Variants in ST8SIA5 observed in about 807,000 individuals in gnomAD.
ST8SIA5 encodes the protein ST8 alpha-N-acetyl-neuraminide alpha-2,8-sialyltransferase 5, also known as alpha-2,8-sialyltransferase 8E.
ST8SIA5 carries 24 observed loss-of-function variants against 40.2 expected under a neutral mutation model. The ratio of observed to expected loss-of-function variants is 0.60; its 90% CI spans 0.43 to 0.84. The LOEUF is 0.84. Ranked by LOEUF, ST8SIA5 falls within the 40% of genes least tolerant of loss-of-function variation. The pLI is 0.00. For missense variants in ST8SIA5, 465 were observed against 498.5 expected (o/e 0.93, Z 0.64); for synonymous variants, 198 against 201.8 (o/e 0.98, Z 0.16).
chr18:46,686,427 C>A, intron 4 of ST8SIA5, 141 bp from the exon 5 acceptor site: 1 of 686,654 alleles, frequency 1.5e-6, no homozygotes, highest in East Asian at 2.7e-5. Flanking sequence ...AGGAAAGCGG[C>A]TTTCCACTTT....
chr18:46,725,742 C>G (rs987297559), intron 1 of ST8SIA5, among the ~76,000 whole-genome samples: 1 of 151,188 alleles, frequency 6.6e-6, no homozygotes, highest in Non-Finnish European at 1.5e-5. Flanking sequence ...AATTCCATTC[C>G]TGAGCTAAGG....
At chr18:46,724,915 C>A (rs957755691) in intron 1 of ST8SIA5, among the ~76,000 whole-genome samples, 1 of 150,614 alleles carries the variant, frequency 6.6e-6, no homozygotes, top group Non-Finnish European at 1.5e-5. Flanking sequence ...GCAGAGATTG[C>A]AGTGAGGAGA....
Position 46,679,355 on chromosome 18 carries a change from G to T in ST8SIA5, c.*687C>A, listed in dbSNP as rs961318125. On this transcript the variant is annotated 3_prime_UTR_variant, in exon 7 of 7. Coordinates refer to ENST00000315087, the MANE Select transcript of ST8SIA5 (RefSeq NM_013305.6). Reference sequence around the variant, plus strand: ...GAGGATGTGTCTGAAAGGATGTGGTGCTTCTCAGATGATGATGTCTCGACT... The same window carrying T: ...GAGGATGTGTCTGAAAGGATGTGGTTCTTCTCAGATGATGATGTCTCGACT... 1.3e-5 allele frequency: 2 copies of T among 152,172 alleles called. No individual in the cohort carries two copies. The highest frequency in any genetic ancestry group is 2.9e-5 in the Non-Finnish European group (2 of 68,290). 9.4% of individuals were successfully genotyped at this position (152,172 alleles called of 1,614,324 possible). A position where few individuals can be genotyped will look rare whatever the true frequency, so the allele number is the denominator to read the frequency against.
chr18:46,698,394 C>A (rs1004859966), intron 2 of ST8SIA5, among the ~76,000 whole-genome samples: 4 of 151,942 alleles, frequency 2.6e-5, no homozygotes, highest in Non-Finnish European at 5.9e-5. Flanking sequence ...AACCCAACAA[C>A]CCACTACAAC....
chr18:46,716,575 G>C (rs1428406523), intron 1 of ST8SIA5, among the ~76,000 whole-genome samples: 6 of 152,208 alleles, frequency 3.9e-5, no homozygotes, highest in Non-Finnish European at 7.3e-5. Flanking sequence ...GACCCGGAGG[G>C]CCAAGATTGG....
Position 46,678,853 on chromosome 18 carries a change from A to C in ST8SIA5, c.*1189T>G, listed in dbSNP as rs930858297. On this transcript the variant is annotated 3_prime_UTR_variant, in exon 7 of 7. Transcript: ENST00000315087. ...CATTTATGGTGGAAACACCACAGGG[A>C]GAAGCAAAGGGAATTAATTTCAGAT... The C allele has an allele frequency of 1.3e-5, 2 of 152,310 alleles. No individual in the cohort carries two copies. The highest frequency in any genetic ancestry group is 1.5e-5 in the Non-Finnish European group (1 of 68,094). 9.4% of individuals were successfully genotyped at this position (152,310 alleles called of 1,614,324 possible). A position where few individuals can be genotyped will look rare whatever the true frequency, so the allele number is the denominator to read the frequency against.
rs1358763788 is a variant in ST8SIA5 at position 46,674,837 on chromosome 18, A to G, written c.*5205T>C. 6.6e-6 allele frequency: 1 copy of G among 152,392 alleles called. No homozygotes were observed. Among genetic ancestry groups the G allele is most frequent in the African/African-American group, 2.4e-5 (1 of 41,400 alleles). 9.4% of individuals were successfully genotyped at this position (152,392 alleles called of 1,614,324 possible). A position where few individuals can be genotyped will look rare whatever the true frequency, so the allele number is the denominator to read the frequency against. On this transcript the variant is annotated 3_prime_UTR_variant, in exon 7 of 7. Transcript: ENST00000315087. ...GGCCAGATAAAAGGAAGGAGAGAGG[A>G]ACTTAGGAGTGTGAGGGCCATTCCA...
rs2039293921 is a variant in ST8SIA5, at chr18:46,669,220, A to AG, written c.*10821dup. 6.6e-6 allele frequency: 1 copy of AG among 152,410 alleles called. No individual in the cohort carries two copies. The highest frequency in any genetic ancestry group is 2.1e-4 in the South Asian group (1 of 4,832). The allele number at this position is 152,410 out of a possible 1,614,324, so 9.4% of individuals were successfully genotyped here. A position where few individuals can be genotyped will look rare whatever the true frequency, so the allele number is the denominator to read the frequency against. ...CTCCAGATCAGCCTAACAACTTCAGAGGGGAGAAAAAGGTGCCCTAGAGGG... is the reference window on the plus strand; with the variant it reads ...CTCCAGATCAGCCTAACAACTTCAGAGGGGGAGAAAAAGGTGCCCTAGAGGG... On this transcript the variant is annotated 3_prime_UTR_variant, in exon 7 of 7. Coordinates refer to ENST00000315087, the MANE Select transcript of ST8SIA5 (RefSeq NM_013305.6).
chr18:46,680,616 C>G (rs1012983367), intron 6 of ST8SIA5, 106 bp from the exon 7 acceptor site: 10 of 1,176,580 alleles, frequency 8.5e-6, no homozygotes, highest in Non-Finnish European at 1.2e-5. Context: ...GGAAGGGACT[C>G]ATAAGGCCAC....
At chr18:46,731,826 T>G (rs1691399327) in intron 1 of ST8SIA5, 1 of 152,176 alleles carries the variant, frequency 6.6e-6, no homozygotes, top group African/African-American at 2.4e-5. Context: ...TCTTGGACCT[T>G]TTAGAGCATC....
intron 1 of ST8SIA5, among the ~76,000 whole-genome samples, chr18:46,712,399 C>T (rs187994213): frequency 6.6e-6 from 1 of 152,198 alleles, no homozygotes; most frequent in African/African-American, 2.4e-5. Context: ...CCCATCTCCA[C>T]CCCAGTGCCA....
At chr18:46,707,524 A>G (rs1387578744) in intron 1 of ST8SIA5, among the ~76,000 whole-genome samples, 2 of 152,064 alleles carry the variant, frequency 1.3e-5, no homozygotes, top group Non-Finnish European at 2.9e-5. Flanking sequence ...AACATCACTC[A>G]TATACCCAAC....
intron 1 of ST8SIA5, among the ~76,000 whole-genome samples, chr18:46,715,407 C>T (rs1303722072): frequency 6.6e-6 from 1 of 152,100 alleles, no homozygotes; most frequent in Non-Finnish European, 1.5e-5. Flanking sequence ...CAGAAAAACA[C>T]TAAGCACACT....
chr18:46,693,548 C>A lies in ST8SIA5; in HGVS notation c.225-1293G>T, dbSNP rs527372277. ...AACCACACAGCATTCTCCCTTTGAC[C>A]GAAACCTGCAAAAAGAACTCATTTT... is the stretch of plus-strand genomic sequence containing the variant. On this transcript the variant is annotated intron_variant, in intron 2 of 6. Transcript: ENST00000315087. 2.6e-5 allele frequency among the ~76,000 whole-genome samples: 4 copies of A among 152,224 alleles called. No individual in the cohort carries two copies. The East Asian group carries it at 7.7e-4, about 29-fold the overall frequency.
intron 5 of ST8SIA5, among the ~76,000 whole-genome samples, chr18:46,683,515 A>C (rs993209623): frequency 2.6e-5 from 4 of 152,048 alleles, no homozygotes; most frequent in African/African-American, 7.2e-5. Flanking sequence ...GGAGTGGTAC[A>C]AGCTGAGGGC....
chr18:46,674,550 A>ACT lies in ST8SIA5; in HGVS notation c.*5490_*5491dup, dbSNP rs1482505966. On this transcript the variant is annotated 3_prime_UTR_variant, in exon 7 of 7. Transcript: ENST00000315087. ...TCCCCCAGGAACCAGAGACCTCATT[A>ACT]CTGTAGTAAACATGTGTTGAGTGGC... is the stretch of plus-strand genomic sequence containing the variant. 2 of 152,274 alleles carry ACT rather than the reference A, an allele frequency of 1.3e-5. No individual in the cohort carries two copies. The highest frequency in any genetic ancestry group is 4.8e-5 in the African/African-American group (2 of 41,480). 9.4% of individuals were successfully genotyped at this position (152,274 alleles called of 1,614,324 possible).
At chr18:46,708,636 C>T (rs572840582) in intron 1 of ST8SIA5, among the ~76,000 whole-genome samples, 1 of 152,188 alleles carries the variant, frequency 6.6e-6, no homozygotes, top group Non-Finnish European at 1.5e-5. Context: ...CTAGGGATAA[C>T]CCCTATGCCC....
intron 1 of ST8SIA5, among the ~76,000 whole-genome samples, chr18:46,747,058 T>A (rs943713573): frequency 2.0e-5 from 3 of 152,176 alleles, no homozygotes; most frequent in African/African-American, 7.2e-5. Context: ...ACACATTATA[T>A]AAAAATTAAT....
intron 1 of ST8SIA5, among the ~76,000 whole-genome samples, chr18:46,735,904 T>C (rs114080582): frequency 0.032 from 4,842 of 152,264 alleles, 95 homozygotes; most frequent in Middle Eastern, 0.058. Flanking sequence ...TGAGCCACCA[T>C]GTCTGGACAT....
Sources: gnomAD v4.1 joint callset for allele counts (sites outside exome capture counted in the v4.1 genomes callset) on GRCh38, gnomAD v4.1.1 for gene constraint, MANE v1.5 for transcripts, NCBI Gene and HGNC (gene_info 2026-07-23, HGNC 2026-07-21) for gene names.